The following HSPA12A variants were observed in gnomAD, a reference collection of about 807,000 sequenced individuals.
The protein encoded by HSPA12A is heat shock protein family A (Hsp70) member 12A.
A neutral mutation model predicts 69.2 loss-of-function variants in HSPA12A; 28 were observed. That is an observed-to-expected ratio of 0.40 (90% CI 0.30 to 0.55). The LOEUF is 0.55. Among genes scored for constraint, HSPA12A ranks in the 20% least tolerant of loss-of-function variants. HSPA12A has a pLI of 0.38. For synonymous variants in HSPA12A, 345 were observed against 370.5 expected (o/e 0.93, Z 0.79); for missense variants, 686 against 900.7 (o/e 0.76, Z 3.05).
chr10:116,731,476 G>A (rs562832334), intron 1 of HSPA12A, among the ~76,000 whole-genome samples: 2 of 152,288 alleles, frequency 1.3e-5, no homozygotes, highest in East Asian at 1.9e-4. Context: ...ACTGACTACA[G>A]CCCATCACAC....
chr10:116,823,580 T>A (rs1845444778), intron 2 of HSPA12A, among the ~76,000 whole-genome samples: 1 of 152,058 alleles, frequency 6.6e-6, no homozygotes, highest in South Asian at 2.1e-4. Flanking sequence ...AATTTCAGAG[T>A]CCAGAAATAA....
At chr10:116,824,502 T>A (rs1456885032) in intron 2 of HSPA12A, among the ~76,000 whole-genome samples, 1 of 152,198 alleles carries the variant, frequency 6.6e-6, no homozygotes, top group Non-Finnish European at 1.5e-5. Context: ...CAAACATCCA[T>A]CAACTGACTA....
At chr10:116,746,432 C>T (rs1273150476), upstream of HSPA12A, among the ~76,000 whole-genome samples, 1 of 152,106 alleles carries the variant, frequency 6.6e-6, no homozygotes, top group Admixed American at 6.5e-5. Flanking sequence ...GGCAGTGAGC[C>T]CTGGGGGATG....
At chr10:116,698,038 T>C (rs1323579890) in intron 5 of HSPA12A, 1 of 104,294 alleles carries the variant, frequency 9.6e-6, no homozygotes, top group Non-Finnish European at 2.3e-5. Context: ...ACATTCATTG[T>C]AAGATAGATC....
At chr10:116,797,353 T>C (rs1589712444) in intron 2 of HSPA12A, among the ~76,000 whole-genome samples, 1 of 152,180 alleles carries the variant, frequency 6.6e-6, no homozygotes, top group Admixed American at 6.5e-5. Context: ...ACAGTCTGAC[T>C]AGGGGGTGGC....
At chr10:116,767,007 G>A (rs916881223) in intron 2 of HSPA12A, among the ~76,000 whole-genome samples, 4 of 152,184 alleles carry the variant, frequency 2.6e-5, no homozygotes, top group Non-Finnish European at 5.9e-5. Flanking sequence ...GAACTGAGGA[G>A]GGAACGCCTG....
At chr10:116,813,493 C>A (rs1165921373) in intron 2 of HSPA12A, among the ~76,000 whole-genome samples, 1 of 151,824 alleles carries the variant, frequency 6.6e-6, no homozygotes, top group Non-Finnish European at 1.5e-5. Context: ...GTGATCCACC[C>A]GCCTCAGCCT....
Position 116,701,032 on chromosome 10 carries a change from C to T in HSPA12A, c.352G>A (p.Ala118Thr), listed in dbSNP as rs782056722. Residue 118 changes from alanine to threonine, a missense_variant, in exon 4 of 12, where the codon GCC (alanine) becomes ACC (threonine). Transcript: ENST00000369209. ...TCCAGGTCATGGTAAAAGTCCCTGG[C>T]GGCATACCCGAAGCTGTGGAACTTC... is the stretch of plus-strand genomic sequence containing the variant. ...ERKFHSFGYA[A>T]RDFYHDLDPN... The T allele has an allele frequency of 1.9e-6, 3 of 1,613,932 alleles. No individual in the cohort carries two copies. The highest frequency in any genetic ancestry group is 2.7e-5 in the African/African-American group (2 of 74,880).
intron 1 of HSPA12A, among the ~76,000 whole-genome samples, chr10:116,732,502 C>A (rs971541249): frequency 2.6e-5 from 4 of 152,034 alleles, no homozygotes; most frequent in Non-Finnish European, 2.9e-5. Flanking sequence ...TTACCTGCAA[C>A]CAAAATCCCT....
chr10:116,695,997 C>T (rs12782444), intron 5 of HSPA12A, among the ~76,000 whole-genome samples: 54,527 of 110,756 alleles, frequency 0.49, 13,149 homozygotes, highest in Middle Eastern at 0.59. Context: ...AGAGAGACTC[C>T]ATCTCAAAAA....
intron 2 of HSPA12A, among the ~76,000 whole-genome samples, chr10:116,820,745 G>C (rs1161330695): frequency 6.6e-6 from 1 of 151,936 alleles, no homozygotes; most frequent in Non-Finnish European, 1.5e-5. Flanking sequence ...CCAACTATAT[G>C]CTAATGAGTC....
intron 6 of HSPA12A, among the ~76,000 whole-genome samples, chr10:116,691,702 G>A (rs929307694): frequency 2.0e-5 from 3 of 152,212 alleles, no homozygotes; most frequent in African/African-American, 4.8e-5. Flanking sequence ...CACAGCAGCC[G>A]CCCCTAGTGC....
intron 5 of HSPA12A, among the ~76,000 whole-genome samples, chr10:116,694,923 C>A (rs1413968338): frequency 6.6e-6 from 1 of 152,156 alleles, no homozygotes; most frequent in Non-Finnish European, 1.5e-5. Flanking sequence ...GTCACCTTCC[C>A]GAACACCACC....
chr10:116,793,778 T>C (rs1844753303), intron 2 of HSPA12A, among the ~76,000 whole-genome samples: 1 of 151,600 alleles, frequency 6.6e-6, no homozygotes, highest in African/African-American at 2.4e-5. Context: ...TCCAACCTAC[T>C]TAGAGGGGGA....
intron 2 of HSPA12A, among the ~76,000 whole-genome samples, chr10:116,834,703 G>A (rs1480904612): frequency 6.6e-6 from 1 of 152,288 alleles, no homozygotes; most frequent in Non-Finnish European, 1.5e-5. Context: ...GGTGGGAAAC[G>A]AATTTGTTTC....
intron 1 of HSPA12A, among the ~76,000 whole-genome samples, chr10:116,715,951 A>C (rs1191791371): frequency 6.6e-6 from 1 of 152,194 alleles, no homozygotes; most frequent in Admixed American, 6.5e-5. Flanking sequence ...AGTAGACCAA[A>C]TAGCCCTTAG....
intron 2 of HSPA12A, among the ~76,000 whole-genome samples, chr10:116,790,775 T>C (rs561625398): frequency 2.0e-5 from 3 of 152,034 alleles, no homozygotes; most frequent in Middle Eastern, 3.4e-3. Flanking sequence ...ACTGCAACCT[T>C]TGCCTCCCAG....
chr10:116,694,578 T>C (rs1429405686), intron 5 of HSPA12A, among the ~76,000 whole-genome samples: 1 of 151,996 alleles, frequency 6.6e-6, no homozygotes, highest in Non-Finnish European at 1.5e-5. Flanking sequence ...GCTCACTCCT[T>C]TCCTGTTGGC....
intron 1 of HSPA12A, among the ~76,000 whole-genome samples, chr10:116,740,891 GC>G (rs1851478754): frequency 6.8e-6 from 1 of 147,350 alleles, no homozygotes; most frequent in African/African-American, 2.5e-5. Context: ...TAATTCTCAG[GC>G]TTTAGCAATT....
Sources: gnomAD v4.1 joint callset for allele counts (sites outside exome capture counted in the v4.1 genomes callset) on GRCh38, gnomAD v4.1.1 for gene constraint, MANE v1.5 for transcripts, NCBI Gene and HGNC (gene_info 2026-07-23, HGNC 2026-07-21) for gene names.